Variants in FGD3 observed in about 807,000 individuals in gnomAD.
FGD3 encodes FYVE, RhoGEF and PH domain-containing protein 3.
Under a neutral mutation model 71.8 loss-of-function variants are expected in FGD3, and 45 were observed. That is an observed-to-expected ratio of 0.63 (90% CI 0.49 to 0.80). The LOEUF is 0.80. FGD3 is among the 30% of genes least tolerant of loss of function. The pLI, the probability that FGD3 is intolerant of heterozygous loss-of-function variation, is 0.00. For missense variants in FGD3, 844 were observed against 951.5 expected, an observed-to-expected ratio of 0.89 and a Z score of 1.49; for synonymous variants, 378 against 392.8, an observed-to-expected ratio of 0.96 and a Z score of 0.44.
chr9:93,010,620 GGA>G lies in FGD3; in HGVS notation c.976+245_976+246del, dbSNP rs149814911. On this transcript the variant is annotated intron_variant, in intron 7 of 17. Transcript: ENST00000375482. ...GAGAGGGAGGGAGAAACAGAGGGGA[GGA>G]GAGAGAGACACACAGAGACAGAGGA... 5.3e-3 allele frequency among the ~76,000 whole-genome samples: 749 copies of G among 142,648 alleles called. 3 individuals are homozygous for G. The highest frequency in any genetic ancestry group is 0.012 in the African/African-American group (452 of 36,850). The allele number at this position is 142,648 out of a possible 152,430, so 93.6% of individuals were successfully genotyped here.
intron 1 of FGD3, among the ~76,000 whole-genome samples, chr9:92,960,521 T>A (rs1393897109): frequency 6.6e-6 from 1 of 152,116 alleles, no homozygotes; most frequent in Non-Finnish European, 1.5e-5. Context: ...GCACCCCAGG[T>A]GTCACTACTA....
chr9:93,033,175 T>C, intron 16 of FGD3: 1 of 446,906 alleles, frequency 2.2e-6, no homozygotes, highest in Non-Finnish European at 4.2e-6. Context: ...GAAGCTGCCC[T>C]CAAGTCCAGG....
rs117364237 is a variant in FGD3, at chr9:92,958,330, C to T, written c.-218+10601C>T. On this transcript the variant is annotated intron_variant, in intron 1 of 17. Coordinates refer to ENST00000375482, the MANE Select transcript of FGD3 (RefSeq NM_001083536.2). ...ACTTAATTTTTTTATAGCAGTTTTA[C>T]ATTCACAGGAAAATTGAGAGAAAAG... Among the ~76,000 whole-genome samples the T allele has an allele frequency of 3.6e-3, 551 of 152,262 alleles. 7 individuals are homozygous for T. The highest frequency in any genetic ancestry group is 0.023 in the Admixed American group (346 of 15,284).
At position 93,015,814 on chromosome 9, in the gene FGD3, C is replaced by T; in HGVS notation, c.1260C>T (p.Asp420=). The T allele has an allele frequency of 2.5e-6, 4 of 1,614,168 alleles. No individual in the cohort carries two copies. The highest frequency in any genetic ancestry group is 2.5e-6 in the Non-Finnish European group (3 of 1,180,006). ...GQKFSVREKM[D]ISGLQVQDIV... is the part of the protein sequence containing the mutation. ...AGTTCAGCGTCCGGGAGAAGATGGA[C>T]ATCTCAGGCCTCCAGGTGGGTGAGC... The change falls in exon 10 of 18, where the codon GAC becomes GAT. Residue 420 remains aspartate, a synonymous_variant. Coordinates refer to ENST00000375482, the MANE Select transcript of FGD3 (RefSeq NM_001083536.2).
At chr9:92,955,882 G>A (rs116552374) in intron 1 of FGD3, among the ~76,000 whole-genome samples, 148 of 152,250 alleles carry the variant, frequency 9.7e-4, no homozygotes, top group African/African-American at 3.5e-3. Flanking sequence ...TTCCTCTAAG[G>A]GAATTCATGC....
chr9:92,962,271 AC>A (rs1859181729), intron 1 of FGD3, among the ~76,000 whole-genome samples: 1 of 152,000 alleles, frequency 6.6e-6, no homozygotes, highest in Non-Finnish European at 1.5e-5. Context: ...ATTTATCATG[AC>A]CCTCTTAGGA....
chr9:92,996,587 C>G (rs1055773363), intron 3 of FGD3, among the ~76,000 whole-genome samples: 8 of 152,306 alleles, frequency 5.3e-5, no homozygotes, highest in Middle Eastern at 3.4e-3. Context: ...CATTTTAGAT[C>G]TTTCCTGCTT....
At chr9:92,977,295 C>T (rs535474543) in intron 3 of FGD3, among the ~76,000 whole-genome samples, 19 of 152,170 alleles carry the variant, frequency 1.2e-4, no homozygotes, top group African/African-American at 4.1e-4. Context: ...AGTTTGTTTG[C>T]GTTCTCATTA....
chr9:92,956,054 A>C (rs1371637314), intron 1 of FGD3, among the ~76,000 whole-genome samples: 11 of 152,188 alleles, frequency 7.2e-5, no homozygotes, highest in Admixed American at 7.2e-4. Context: ...ATACAAATTA[A>C]AGTGATTTTT....
At chr9:93,029,286 C>G (rs1054520080) in intron 14 of FGD3, among the ~76,000 whole-genome samples, 3 of 152,118 alleles carry the variant, frequency 2.0e-5, no homozygotes, top group Non-Finnish European at 4.4e-5. Context: ...AGTGATCTGC[C>G]CACCTCAGCC....
chr9:92,970,327 C>T (rs971669521), intron 1 of FGD3, among the ~76,000 whole-genome samples: 1 of 152,192 alleles, frequency 6.6e-6, no homozygotes, highest in African/African-American at 2.4e-5. Flanking sequence ...CTAAAATAAT[C>T]AAGAGAATCA....
chr9:93,019,279 C>T (rs1289312663), intron 11 of FGD3, among the ~76,000 whole-genome samples: 1 of 152,134 alleles, frequency 6.6e-6, no homozygotes, highest in Non-Finnish European at 1.5e-5. Context: ...TATCTGCACA[C>T]CATTCCTAAA....
chr9:93,020,502 G>A, intron 13 of FGD3, 78 bp downstream of exon 13: 2 of 1,285,366 alleles, frequency 1.6e-6, no homozygotes, highest in South Asian at 1.3e-5. Context: ...CTGGCGTCTG[G>A]GTGGGCAGCT....
chr9:93,022,647 A>G (rs1332919213), intron 14 of FGD3, among the ~76,000 whole-genome samples: 1 of 152,168 alleles, frequency 6.6e-6, no homozygotes, highest in Non-Finnish European at 1.5e-5. Context: ...GAGGCCTGTC[A>G]GTGTGGGGAT....
At position 93,018,236 on chromosome 9, in the gene FGD3, A is replaced by G. The variant is rs1390367266; in HGVS notation, c.1355+21A>G. The G allele has an allele frequency of 4.4e-6, 7 of 1,602,676 alleles. No individual in the cohort carries two copies. The South Asian group carries it at 4.4e-5, about 10-fold the overall frequency. On this transcript the variant is annotated intron_variant, in intron 11 of 17. Coordinates refer to ENST00000375482, the MANE Select transcript of FGD3 (RefSeq NM_001083536.2). ...ACGCGGTATGGAACGGGCTGTTTCT[A>G]GTGAATGTCTTTGACCTCATGTCTT...
chr9:93,008,845 G>A (rs1861175683), intron 6 of FGD3, among the ~76,000 whole-genome samples: 1 of 151,668 alleles, frequency 6.6e-6, no homozygotes, highest in African/African-American at 2.4e-5. Context: ...ACTCATACCT[G>A]TAATCCCAGC....
At chr9:92,984,089 GC>G (rs1373273295) in intron 3 of FGD3, among the ~76,000 whole-genome samples, 1 of 152,226 alleles carries the variant, frequency 6.6e-6, no homozygotes, top group African/African-American at 2.4e-5. Flanking sequence ...ACTCTTTCCA[GC>G]ATAGATGAGG....
At chr9:93,008,162 T>G (rs1221529530) in intron 6 of FGD3, among the ~76,000 whole-genome samples, 1 of 151,768 alleles carries the variant, frequency 6.6e-6, no homozygotes, top group Non-Finnish European at 1.5e-5. Context: ...CTCATACAGA[T>G]GATGATGACT....
chr9:92,977,769 G>A (rs1393557098), intron 3 of FGD3, among the ~76,000 whole-genome samples: 5 of 152,160 alleles, frequency 3.3e-5, no homozygotes, highest in African/African-American at 9.7e-5. Flanking sequence ...GGCCTGAGAC[G>A]GTAATGTGGT....
Sources: gnomAD v4.1 joint callset for allele counts (sites outside exome capture counted in the v4.1 genomes callset) on GRCh38, gnomAD v4.1.1 for gene constraint, MANE v1.5 for transcripts, NCBI Gene and HGNC (gene_info 2026-07-23, HGNC 2026-07-21) for gene names.